Variants in CAPG observed in about 807,000 individuals in gnomAD.
The protein encoded by CAPG is macrophage-capping protein.
CAPG carries 32 observed loss-of-function variants against 44.6 expected under a neutral mutation model. The ratio of observed to expected loss-of-function variants is 0.72; its 90% confidence interval spans 0.54 to 0.96. The LOEUF (loss-of-function observed/expected upper bound fraction) is 0.96, where lower values mean the gene tolerates loss of function less well. Among genes scored for constraint, CAPG ranks in the 50% least tolerant of loss-of-function variants. The pLI, the probability that CAPG is intolerant of heterozygous loss-of-function variation, is 0.00. For synonymous variants in CAPG, 175 were observed against 179.6 expected (o/e 0.97, Z 0.20); for missense variants, 412 against 438.3 (o/e 0.94, Z 0.54).
In CAPG at chr2:85,399,181, C is replaced by T. The variant is rs141352024; in HGVS notation, c.621G>A (p.Gln207=). The part of the protein sequence containing the change: ...IRDSERQGKA[Q]VEIVTDGEEP... ...CCTCCCCATCAGTGACAATCTCCAC[C>T]TGGGCCTTGCCCTGTCGCTCACTGT... The change falls in exon 6 of 10, where the codon CAG becomes CAA. Residue 207 remains glutamine (Q), a synonymous_variant. Transcript: ENST00000263867. 6.3e-5 allele frequency: 102 copies of T among 1,614,258 alleles called. No individual in the cohort carries two copies. In the African/African-American group the frequency reaches 1.1e-3, roughly 17 times the overall value.
chr2:85,419,207 C>T (rs1185435293), upstream of CAPG: 2 of 152,340 alleles, frequency 1.3e-5, no homozygotes, highest in African/African-American at 4.8e-5. Context: ...TCGTCGGCGC[C>T]CTGCGCCCAG....
chr2:85,393,306 G>A (rs1034369175), downstream of CAPG, among the ~76,000 whole-genome samples: 2 of 152,132 alleles, frequency 1.3e-5, no homozygotes, highest in African/African-American at 4.8e-5. Context: ...AAAATGCTGG[G>A]ATTATAGGCA....
At chr2:85,397,261 C>T (rs1305104452) in intron 8 of CAPG, among the ~76,000 whole-genome samples, 3 of 152,172 alleles carry the variant, frequency 2.0e-5, no homozygotes, top group Non-Finnish European at 4.4e-5. Context: ...AGACATAACC[C>T]ATAACCTTGT....
Position 85,395,932 on chromosome 2 carries a change from C to G in CAPG, c.893-306G>C. On this transcript the variant is annotated intron_variant, in intron 8 of 9. Coordinates refer to ENST00000263867, the MANE Select transcript of CAPG (RefSeq NM_001747.4). This position sits in a 1 kb window ranked among gnomAD's most constrained non-coding sequence, Gnocchi z 4.3. ...GGAGGGGAACAGGTGTTCACCCTAG[C>G]ATCAGACTGTGAGGCCGCAGGTCTC... 2.9e-6 allele frequency: 1 copy of G among 340,362 alleles called. No homozygotes were observed. The highest frequency in any genetic ancestry group is 5.5e-6 in the Non-Finnish European group (1 of 182,674). The allele number at this position is 340,362 out of a possible 1,614,324, so 21.1% of individuals were successfully genotyped here. A position where few individuals can be genotyped will look rare whatever the true frequency, so the allele number is the denominator to read the frequency against.
chr2:85,413,441 G>A (rs527844262), upstream of CAPG, among the ~76,000 whole-genome samples: 11 of 152,314 alleles, frequency 7.2e-5, no homozygotes, highest in South Asian at 2.1e-3. Context: ...TTAGCTGGGC[G>A]TGGTGGCGGG....
intron 7 of CAPG, 34 bp from the exon 8 acceptor site, chr2:85,398,186 CCA>C (rs1686698041): frequency 6.2e-7 from 1 of 1,606,484 alleles, no homozygotes; most frequent in Admixed American, 1.7e-5. Context: ...ATCTCACCCC[CCA>C]CACACCAGCC....
At chr2:85,418,638 GCACA>G (rs762428289), upstream of CAPG, 4 of 147,286 alleles carry the variant, frequency 2.7e-5, no homozygotes, top group Middle Eastern at 3.1e-3. Context: ...AGTCACACAC[GCACA>G]CACACACACG....
chr2:85,413,310 T>G (rs1205017383), upstream of CAPG: 1 of 152,304 alleles, frequency 6.6e-6, no homozygotes, highest in Non-Finnish European at 1.5e-5. Flanking sequence ...CTGGGCGCAG[T>G]GGCTCACGCC....
rs544422536 is a variant in CAPG, at chr2:85,401,440, C to A, written c.351+89G>T. ...GTGGGGACCCGGCTCCAAAGGCACC[C>A]GGGTCTTCTGCAGGGTGAGAACCAG... On this transcript the variant is annotated intron_variant, in intron 4 of 9. Transcript: ENST00000263867. The A allele has an allele frequency of 7.0e-6, 11 of 1,581,882 alleles. No individual in the cohort carries two copies. In the African/African-American group the frequency reaches 1.5e-4, roughly 21 times the overall value.
Position 85,416,570 on chromosome 2 carries a change from G to A in CAPG, c.-14+1697C>T, listed in dbSNP as rs565973276. On this transcript the variant is annotated intron_variant, in intron 1 of 5. Coordinates refer to the CAPG transcript ENST00000409275. ...CTTGTCGCCCAAGCTGGAGTGCAAT[G>A]GCACAATCTCAGCTCACTGCAACCT... Among the ~76,000 whole-genome samples the A allele has an allele frequency of 7.2e-5, 11 of 152,184 alleles. 1 individual carries two copies. The Middle Eastern group carries it at 0.014, about 188-fold the overall frequency.
Position 85,398,694 on chromosome 2 carries a change from T to G in CAPG, c.755A>C (p.Tyr252Ser), listed in dbSNP as rs371546605. The G allele has an allele frequency of 6.3e-7, 1 of 1,599,496 alleles. No individual in the cohort carries two copies. The highest frequency in any genetic ancestry group is 1.3e-5 in the African/African-American group (1 of 74,794). The change falls in exon 7 of 10, where the codon TAT (tyrosine) becomes TCT (serine). Residue 252 changes from tyrosine (Y) to serine (S), a missense_variant. Coordinates refer to ENST00000263867, the MANE Select transcript of CAPG (RefSeq NM_001747.4). Reference sequence around the variant, plus strand: ...GGGCAGGCTTGGGGGGCCCACCTTATACAGAGCTGCGGCCTGGGCATTTGC... The same window carrying G: ...GGGCAGGCTTGGGGGGCCCACCTTAGACAGAGCTGCGGCCTGGGCATTTGC... ...DKANAQAAALYKVSDATGQMN... is the reference protein window; with the variant it reads ...DKANAQAAALSKVSDATGQMN...
At position 85,398,075 on chromosome 2, in the gene CAPG, A is replaced by G; in HGVS notation, c.837T>C (p.Ser279=). The G allele has an allele frequency of 6.2e-7, 1 of 1,614,132 alleles. No individual in the cohort carries two copies. Residue 279 remains serine (S), a synonymous_variant, in exon 8 of 10, where the codon TCT becomes TCC. Coordinates refer to ENST00000263867, the MANE Select transcript of CAPG (RefSeq NM_001747.4). ...SSPFALELLI[S]DDCFVLDNGL... ...CGTTGTCCAGCACAAAGCAGTCATC[A>G]GATATCAGCAGTTCAAGGGCAAATG...
At chr2:85,418,074 T>C (rs578011894) in intron 1 of CAPG, among the ~76,000 whole-genome samples, 7 of 152,124 alleles carry the variant, frequency 4.6e-5, no homozygotes, top group East Asian at 1.9e-4. Context: ...GTAAGGTAAC[T>C]AGCGCTAATG....
At chr2:85,393,806 C>T (rs115833182), downstream of CAPG, among the ~76,000 whole-genome samples, 7,570 of 152,280 alleles carry the variant, frequency 0.05, 228 homozygotes, top group Non-Finnish European at 0.067. Context: ...ACAAATGATC[C>T]GCCCGTCTTG....
chr2:85,407,712 C>CAAAAA (rs60228110), intron 1 of CAPG, among the ~76,000 whole-genome samples: 3 of 91,152 alleles, frequency 3.3e-5, no homozygotes, highest in East Asian at 3.3e-4. Context: ...GACTCTGTCT[C>CAAAAA]AAAAAAAAAA....
At chr2:85,402,694 A>G (rs6419687) in intron 1 of CAPG, among the ~76,000 whole-genome samples, 96,884 of 151,710 alleles carry the variant, frequency 0.64, 31,514 homozygotes, top group African/African-American at 0.73. Flanking sequence ...TTGAACTCCT[A>G]ACCTCAAGTG....
chr2:85,404,190 C>T (rs1687037985), intron 1 of CAPG, among the ~76,000 whole-genome samples: 1 of 150,708 alleles, frequency 6.6e-6, no homozygotes, highest in Admixed American at 6.6e-5. Flanking sequence ...TACAATGAAA[C>T]ATCACACTGC....
intron 4 of CAPG, 76 bp from the exon 5 acceptor site, chr2:85,401,405 G>C: frequency 7.6e-6 from 12 of 1,576,350 alleles, no homozygotes; most frequent in Non-Finnish European, 1.0e-5. Context: ...ACTGGAAGAC[G>C]GGCAGAAAGG....
At chr2:85,410,866 T>G (rs1216660942), upstream of CAPG, among the ~76,000 whole-genome samples, 5 of 133,218 alleles carry the variant, frequency 3.8e-5, no homozygotes, top group South Asian at 2.4e-4. Flanking sequence ...GTTTTTTTTG[T>G]TTTTTTTTTT....
Sources: allele counts gnomAD v4.1 joint callset (sites outside exome capture counted in the v4.1 genomes callset), GRCh38; gene constraint gnomAD v4.1.1; non-coding constraint Gnocchi (gnomAD v3.1); transcripts MANE v1.5; gene names NCBI Gene and HGNC (gene_info 2026-07-23, HGNC 2026-07-21).